CXADR: variants seen among roughly 807,000 people sequenced by gnomAD.
CXADR encodes CXADR cell adhesion molecule, also known as coxsackievirus and adenovirus receptor.
In CXADR, 20 loss-of-function variants were observed where a neutral mutation model predicts 40.3. The observed-to-expected ratio is 0.50, with a 90% CI of 0.35 to 0.72. The LOEUF (loss-of-function observed/expected upper bound fraction) is 0.72, where lower values mean the gene tolerates loss of function less well. Among genes scored for constraint, CXADR ranks in the 30% least tolerant of loss-of-function variants. The pLI, the probability that CXADR is intolerant of heterozygous loss-of-function variation, is 0.01. For synonymous variants in CXADR, 150 were observed against 161.3 expected, an observed-to-expected ratio of 0.93 and a Z score of 0.53; for missense variants, 332 against 449.1, an observed-to-expected ratio of 0.74 and a Z score of 2.36.
intron 1 of CXADR, among the ~76,000 whole-genome samples, chr21:17,541,784 A>G (rs1385296836): frequency 6.6e-6 from 1 of 152,168 alleles, no homozygotes; most frequent in Admixed American, 6.5e-5. Context: ...GCAATACTAC[A>G]GAAGTAATAC....
chr21:17,621,701 C>A, the CXADR span, among the ~76,000 whole-genome samples: 1 of 152,152 alleles, frequency 6.6e-6, no homozygotes, highest in African/African-American at 2.4e-5. Flanking sequence ...CACATCCTTC[C>A]TCTTCTCTAG....
At chr21:17,622,500 A>G in the CXADR span, among the ~76,000 whole-genome samples, 2 of 151,886 alleles carry the variant, frequency 1.3e-5, no homozygotes, top group Non-Finnish European at 2.9e-5. Flanking sequence ...GCATATATGT[A>G]TATGCTTTAT....
At chr21:17,526,823 G>A (rs2060603600) in intron 1 of CXADR, among the ~76,000 whole-genome samples, 1 of 151,988 alleles carries the variant, frequency 6.6e-6, no homozygotes, top group Non-Finnish European at 1.5e-5. Context: ...ATCTGGGTGG[G>A]TTTTGGTGTT....
At chr21:17,536,664 A>G (rs2060762197) in intron 1 of CXADR, among the ~76,000 whole-genome samples, 1 of 152,216 alleles carries the variant, frequency 6.6e-6, no homozygotes, top group African/African-American at 2.4e-5. Context: ...GTAAATACCT[A>G]GAGGAAATGT....
At chr21:17,524,387 C>G (rs540210133) in intron 1 of CXADR, among the ~76,000 whole-genome samples, 1 of 151,080 alleles carries the variant, frequency 6.6e-6, no homozygotes, top group African/African-American at 2.4e-5. Flanking sequence ...CATAGTGAAA[C>G]CCTGTCTCTA....
chr21:17,544,341 A>T (rs1312343591), intron 1 of CXADR, among the ~76,000 whole-genome samples: 13 of 152,220 alleles, frequency 8.5e-5, no homozygotes, highest in Admixed American at 7.9e-4. Context: ...CATGAAATGG[A>T]GGCCAGAGTA....
rs370787902 is a variant in CXADR, at chr21:17,542,693, C to T, written c.44-4334C>T. On this transcript the variant is annotated intron_variant, in intron 1 of 6. Transcript: ENST00000284878. ...AAATACTTGCAGCTTAATAATGTGC[C>T]GCATATTTTATCACATCCTGAATTA... 3.4e-4 allele frequency among the ~76,000 whole-genome samples: 51 copies of T among 152,066 alleles called. No individual in the cohort carries two copies. In the South Asian group the frequency reaches 0.01, roughly 31 times the overall value.
At chr21:17,550,743 T>C (rs1004447504) in intron 2 of CXADR, among the ~76,000 whole-genome samples, 9 of 152,180 alleles carry the variant, frequency 5.9e-5, no homozygotes, top group Admixed American at 5.2e-4. Flanking sequence ...ATTCCAAACA[T>C]AGATTTTATT....
chr21:17,539,323 G>A (rs950550350), intron 1 of CXADR, among the ~76,000 whole-genome samples: 1 of 152,132 alleles, frequency 6.6e-6, no homozygotes, highest in Non-Finnish European at 1.5e-5. Flanking sequence ...AAGTCTTCCA[G>A]CCCAGCTTTA....
At chr21:17,600,812 C>T in the CXADR span, among the ~76,000 whole-genome samples, 1 of 152,154 alleles carries the variant, frequency 6.6e-6, no homozygotes, top group Non-Finnish European at 1.5e-5. Flanking sequence ...ACTATAAATA[C>T]TACTTAAATA....
rs1243438843 is a variant in CXADR, at chr21:17,545,108, G to C, written c.44-1919G>C. ...TTTTTTTTTTTTTTTGGTGGGAGCA[G>C]GGGAAAAGGGAGAGGAAGAGAGAGG... On this transcript the variant is annotated intron_variant, in intron 1 of 6. Transcript: ENST00000284878. Among the ~76,000 whole-genome samples the C allele has an allele frequency of 6.6e-5, 8 of 120,652 alleles. No individual in the cohort carries two copies. The East Asian group carries it at 2.0e-3, about 29-fold the overall frequency. 79.2% of individuals were successfully genotyped at this position (120,652 alleles called of 152,430 possible).
chr21:17,612,042 C>T, the CXADR span: 1 of 152,350 alleles, frequency 6.6e-6, no homozygotes, highest in African/African-American at 2.4e-5. Flanking sequence ...CTTTCTGAAG[C>T]CATCGAAACC....
chr21:17,604,156 G>A, the CXADR span: 7 of 1,280,556 alleles, frequency 5.5e-6, no homozygotes, highest in Non-Finnish European at 6.1e-6. Flanking sequence ...TAATCAAAAA[G>A]GAGGAGGCCG....
intron 7 of CXADR, among the ~76,000 whole-genome samples, chr21:17,589,236 T>A (rs948309490): frequency 6.6e-6 from 1 of 152,074 alleles, no homozygotes; most frequent in African/African-American, 2.4e-5. Context: ...TATTTCCTTG[T>A]AGACACAGTA....
intron 7 of CXADR, among the ~76,000 whole-genome samples, chr21:17,592,639 CTTTT>C (rs1374367881): frequency 5.3e-5 from 8 of 151,268 alleles, no homozygotes; most frequent in South Asian, 2.1e-4. Context: ...TTTTTTTTTC[CTTTT>C]TTTCTTTCAA....
intron 1 of CXADR, among the ~76,000 whole-genome samples, chr21:17,519,635 C>T (rs1022586445): frequency 9.2e-5 from 14 of 152,138 alleles, no homozygotes; most frequent in Non-Finnish European, 1.8e-4. Context: ...AAAATAGGTC[C>T]CTTAAATGTC....
the CXADR span, chr21:17,627,160 C>G: frequency 6.6e-6 from 1 of 151,694 alleles, no homozygotes; most frequent in African/African-American, 2.4e-5. Context: ...AGTTCGAGAC[C>G]AGCCTGACCA....
chr21:17,599,706 C>CT, the CXADR span, among the ~76,000 whole-genome samples: 1 of 152,144 alleles, frequency 6.6e-6, no homozygotes, highest in South Asian at 2.1e-4. Flanking sequence ...TCTTGAACTC[C>CT]TGACCTCAGG....
the CXADR span, among the ~76,000 whole-genome samples, chr21:17,635,817 C>T: frequency 6.6e-6 from 1 of 152,184 alleles, no homozygotes; most frequent in Non-Finnish European, 1.5e-5. Context: ...CTTGCTACTT[C>T]TACAAAGTAG....
Sources: gnomAD v4.1 joint callset for allele counts (sites outside exome capture counted in the v4.1 genomes callset) on GRCh38, gnomAD v4.1.1 for gene constraint, MANE v1.5 for transcripts, NCBI Gene and HGNC (gene_info 2026-07-23, HGNC 2026-07-21) for gene names.